The following MARK1 variants were observed in gnomAD, a reference collection of about 807,000 sequenced individuals.
The protein encoded by MARK1 is serine/threonine-protein kinase MARK1.
Under a neutral mutation model 96.3 loss-of-function variants are expected in MARK1, and 40 were observed. The observed-to-expected ratio is 0.42, with a 90% confidence interval of 0.32 to 0.54. The LOEUF (loss-of-function observed/expected upper bound fraction) is 0.54. MARK1 is among the 20% of genes least tolerant of loss of function. The probability of loss-of-function intolerance (pLI) is 0.16; values close to 1 mark genes in which losing one functional copy is unlikely to be tolerated. For missense variants in MARK1, 719 were observed against 984.6 expected (o/e 0.73, Z 3.61); for synonymous variants, 317 against 341.2 (o/e 0.93, Z 0.78).
At chr1:220,641,120 A>G (rs1668242413) in intron 13 of MARK1, among the ~76,000 whole-genome samples, 1 of 152,216 alleles carries the variant, frequency 6.6e-6, no homozygotes, top group African/African-American at 2.4e-5. Flanking sequence ...TTTTTGAATC[A>G]AGAAAACAAT....
At chr1:220,587,281 C>CTTCCTTCT (rs1664689053) in intron 3 of MARK1, among the ~76,000 whole-genome samples, 1 of 145,086 alleles carries the variant, frequency 6.9e-6, no homozygotes, top group African/African-American at 2.6e-5. Context: ...TCCTTCTTTC[C>CTTCCTTCT]TTCCTTCCTT....
At chr1:220,644,151 G>C (rs1282720477) in intron 13 of MARK1, among the ~76,000 whole-genome samples, 1 of 152,158 alleles carries the variant, frequency 6.6e-6, no homozygotes, top group Non-Finnish European at 1.5e-5. Flanking sequence ...AGATCCATCA[G>C]TGTGCTGTAT....
chr1:220,607,038 G>A (rs1666121603), intron 6 of MARK1, among the ~76,000 whole-genome samples: 1 of 152,124 alleles, frequency 6.6e-6, no homozygotes, highest in Admixed American at 6.5e-5. Flanking sequence ...TTTTAAAGTA[G>A]TTTTTTCAAA....
At chr1:220,653,394 T>G (rs1668995734) in intron 16 of MARK1, 42 bp downstream of exon 16, 2 of 1,576,424 alleles carry the variant, frequency 1.3e-6, no homozygotes, top group African/African-American at 2.7e-5. Flanking sequence ...CCTCTAGAAA[T>G]TATAAAGGAA....
chr1:220,621,222 G>A lies in MARK1; in HGVS notation c.909+2467G>A, dbSNP rs60037123. Among the ~76,000 whole-genome samples, 199 of 151,962 alleles carry A rather than the reference G, an allele frequency of 1.3e-3. 1 individual carries two copies. The East Asian group carries it at 0.037, about 28-fold the overall frequency. ...AGCTATGTTATTCTCCTTGGGTTAC[G>A]TAACGTAATTTATTTAACTATTCCC... On this transcript the variant is annotated intron_variant, in intron 9 of 17. Transcript: ENST00000366917.
At chr1:220,627,092 A>G in intron 9 of MARK1, 1 of 521,246 alleles carries the variant, frequency 1.9e-6, no homozygotes, top group East Asian at 5.1e-5. Context: ...GAGAAGATAA[A>G]CAGCGACTGT....
At chr1:220,621,361 G>T (rs1295230118) in intron 9 of MARK1, among the ~76,000 whole-genome samples, 2 of 152,062 alleles carry the variant, frequency 1.3e-5, no homozygotes, top group Admixed American at 1.3e-4. Flanking sequence ...GAATTACTGG[G>T]TCAAAGGGTG....
chr1:220,605,477 T>G (rs1052650916), intron 6 of MARK1, among the ~76,000 whole-genome samples: 3 of 151,288 alleles, frequency 2.0e-5, no homozygotes, highest in Non-Finnish European at 4.4e-5. Flanking sequence ...TTTTTTAAAT[T>G]TTTATTTATT....
rs768406643 is a variant in MARK1 at position 220,599,786 on chromosome 1, AT to A, written c.359-4del. 9.1e-5 allele frequency: 138 copies of A among 1,512,608 alleles called. No individual in the cohort carries two copies. Among genetic ancestry groups the A allele is most frequent in the Non-Finnish European group, 1.2e-4 (131 of 1,091,510 alleles). The allele number at this position is 1,512,608 out of a possible 1,614,324, so 93.7% of individuals were successfully genotyped here. On this transcript the variant is annotated splice_polypyrimidine_tract_variant and intron_variant, in intron 4 of 17. Transcript: ENST00000366917. ...TAACAGTTATAGAGTTATATCTCTA[AT>A]TTTTTTTCAGTAAAATTGTTTGAAG...
At chr1:220,595,602 C>T (rs769641203) in intron 3 of MARK1, among the ~76,000 whole-genome samples, 3 of 152,134 alleles carry the variant, frequency 2.0e-5, no homozygotes, top group Non-Finnish European at 2.9e-5. Context: ...TAAATAGGAT[C>T]TTGATTTTTT....
chr1:220,629,560 A>G (rs1667553436), intron 9 of MARK1, among the ~76,000 whole-genome samples: 1 of 151,850 alleles, frequency 6.6e-6, no homozygotes, highest in South Asian at 2.1e-4. Context: ...AGCAATCACC[A>G]TTCATCTTGT....
intron 4 of MARK1, among the ~76,000 whole-genome samples, chr1:220,598,629 T>C (rs1380943147): frequency 6.6e-6 from 1 of 151,822 alleles, no homozygotes; most frequent in Non-Finnish European, 1.5e-5. Context: ...ACTAAAATAA[T>C]TGATATCATT....
intron 17 of MARK1, among the ~76,000 whole-genome samples, chr1:220,658,718 G>C (rs1352732026): frequency 6.6e-6 from 1 of 152,180 alleles, no homozygotes; most frequent in Non-Finnish European, 1.5e-5. Flanking sequence ...TACTTTTCAA[G>C]TTACTTAAAA....
At chr1:220,595,659 T>G (rs1459080529) in intron 3 of MARK1, among the ~76,000 whole-genome samples, 1 of 152,142 alleles carries the variant, frequency 6.6e-6, no homozygotes, top group East Asian at 1.9e-4. Flanking sequence ...TTAGTTCTAA[T>G]AGCATTGAGA....
At chr1:220,651,936 A>C (rs774564974) in intron 14 of MARK1, 50 bp from the exon 15 acceptor site, 56 of 1,438,238 alleles carry the variant, frequency 3.9e-5, no homozygotes, top group Non-Finnish European at 4.9e-5. Context: ...AGTAAACCAC[A>C]AATTTTCCTC....
In MARK1 at chr1:220,528,580, C is replaced by T. The variant is rs1379052652; in HGVS notation, c.-243C>T. ...GCCGGGCAACCGCCTCGCCCGAAGCCCTCCCTCGTTACTGTCCGCATACCC... is the reference window on the plus strand; with the variant it reads ...GCCGGGCAACCGCCTCGCCCGAAGCTCTCCCTCGTTACTGTCCGCATACCC... On this transcript the variant is annotated 5_prime_UTR_variant, in exon 1 of 18. Coordinates refer to ENST00000366917, the MANE Select transcript of MARK1 (RefSeq NM_018650.5). 14 of 474,196 alleles carry T rather than the reference C, an allele frequency of 3.0e-5. No homozygotes were observed. The highest frequency in any genetic ancestry group is 5.2e-5 in the Non-Finnish European group (14 of 270,372). The allele number at this position is 474,196 out of a possible 1,614,324, so 29.4% of individuals were successfully genotyped here. A position where few individuals can be genotyped will look rare whatever the true frequency, so the allele number is the denominator to read the frequency against.
chr1:220,660,504 G>T (rs1408353570), intron 17 of MARK1, among the ~76,000 whole-genome samples: 1 of 151,984 alleles, frequency 6.6e-6, no homozygotes, highest in Admixed American at 6.6e-5. Flanking sequence ...TAATTTAAAA[G>T]ATGTATGCAG....
chr1:220,653,013 G>T (rs1041253784), intron 15 of MARK1, 88 bp from the exon 16 acceptor site: 6 of 1,450,702 alleles, frequency 4.1e-6, no homozygotes, highest in Non-Finnish European at 5.7e-6. Flanking sequence ...AAAAGAAGTA[G>T]CCATAGCTAT....
chr1:220,646,849 A>T (rs78501629), intron 13 of MARK1, among the ~76,000 whole-genome samples: 1,714 of 152,346 alleles, frequency 0.011, 25 homozygotes, highest in African/African-American at 0.039. Context: ...CTAGCTAGCC[A>T]TATGCAGAAA....
Sources: gnomAD v4.1 joint callset for allele counts (sites outside exome capture counted in the v4.1 genomes callset) on GRCh38, gnomAD v4.1.1 for gene constraint, MANE v1.5 for transcripts, NCBI Gene and HGNC (gene_info 2026-07-23, HGNC 2026-07-21) for gene names.